ADAM12: variants seen among roughly 807,000 people sequenced by gnomAD.
The protein encoded by ADAM12 is ADAM metallopeptidase domain 12.
In ADAM12, 70 loss-of-function variants were observed where a neutral mutation model predicts 106.4. The ratio of observed to expected loss-of-function variants is 0.66; its 90% CI spans 0.54 to 0.80. ADAM12 has a LOEUF of 0.80. ADAM12 is among the 30% of genes least tolerant of loss of function. The pLI, the probability that ADAM12 is intolerant of heterozygous loss-of-function variation, is 0.00. For missense variants in ADAM12, 1,010 were observed against 1,171.9 expected, an observed-to-expected ratio of 0.86 and a Z score of 2.02; for synonymous variants, 420 against 433.5, an observed-to-expected ratio of 0.97 and a Z score of 0.39.
intron 3 of ADAM12, among the ~76,000 whole-genome samples, chr10:126,158,172 A>C (rs1165187646): frequency 6.6e-6 from 1 of 151,612 alleles, no homozygotes; most frequent in Non-Finnish European, 1.5e-5. Flanking sequence ...AGGAACAGGC[A>C]GAAGGATGCA....
At chr10:126,333,010 T>C (rs1235247917) in intron 1 of ADAM12, among the ~76,000 whole-genome samples, 2 of 152,184 alleles carry the variant, frequency 1.3e-5, no homozygotes, top group Non-Finnish European at 2.9e-5. Flanking sequence ...CTAGCAGTTA[T>C]GGGGTGAAAA....
chr10:126,340,930 T>G (rs1215225882), intron 1 of ADAM12, among the ~76,000 whole-genome samples: 1 of 152,074 alleles, frequency 6.6e-6, no homozygotes, highest in African/African-American at 2.4e-5. Context: ...TTGGCCAGGC[T>G]GGTCTTGAAC....
intron 10 of ADAM12, among the ~76,000 whole-genome samples, chr10:126,095,895 A>G (rs1266370928): frequency 6.6e-6 from 1 of 152,218 alleles, no homozygotes; most frequent in African/African-American, 2.4e-5. Context: ...TAAAACAAAT[A>G]TGATACTGAA....
At chr10:126,166,548 A>T (rs918300162) in intron 3 of ADAM12, among the ~76,000 whole-genome samples, 11 of 152,072 alleles carry the variant, frequency 7.2e-5, no homozygotes, top group Admixed American at 6.6e-4. Flanking sequence ...ACCAGGCTGG[A>T]GTGCAGTGGC....
At chr10:126,336,710 CA>C (rs1854712073) in intron 1 of ADAM12, among the ~76,000 whole-genome samples, 1 of 152,300 alleles carries the variant, frequency 6.6e-6, no homozygotes, top group East Asian at 1.9e-4. Context: ...GGGAAGGTGA[CA>C]CCAAGTGACA....
chr10:126,287,088 T>C (rs1162046690), intron 2 of ADAM12, among the ~76,000 whole-genome samples: 1 of 152,238 alleles, frequency 6.6e-6, no homozygotes, highest in Admixed American at 6.5e-5. Flanking sequence ...CCGGTGTGAT[T>C]GTTAATCCTC....
chr10:126,202,896 GA>G (rs35198085), intron 3 of ADAM12, among the ~76,000 whole-genome samples: 44,727 of 151,604 alleles, frequency 0.3, 8,698 homozygotes, highest in African/African-American at 0.56. Context: ...ACCACCGAAA[GA>G]AAAAAATGTC....
chr10:126,187,282 T>C (rs112346910), intron 3 of ADAM12, among the ~76,000 whole-genome samples: 1 of 151,810 alleles, frequency 6.6e-6, no homozygotes, highest in Non-Finnish European at 1.5e-5. Context: ...TTGTTCTTAT[T>C]ACCTCTGTTT....
At chr10:126,067,293 T>G (rs763374661) in intron 12 of ADAM12, among the ~76,000 whole-genome samples, 54 of 152,234 alleles carry the variant, frequency 3.5e-4, no homozygotes, top group Non-Finnish European at 6.3e-4. Flanking sequence ...TCAACCACAA[T>G]TCCCTGCAAT....
chr10:126,178,406 A>ATTTTTTTTTT (rs1426086384), intron 3 of ADAM12, among the ~76,000 whole-genome samples: 1 of 120,866 alleles, frequency 8.3e-6, no homozygotes, highest in African/African-American at 3.6e-5. Context: ...ATTGGAGGAC[A>ATTTTTTTTTT]TCTTTTTTTT....
At chr10:126,332,254 C>T (rs1009473418) in intron 1 of ADAM12, among the ~76,000 whole-genome samples, 3 of 152,204 alleles carry the variant, frequency 2.0e-5, no homozygotes, top group Non-Finnish European at 2.9e-5. Flanking sequence ...AAGCCAGCAG[C>T]CCCAAAGTGA....
chr10:126,181,854 G>A (rs1239817374), intron 3 of ADAM12, among the ~76,000 whole-genome samples: 4 of 152,208 alleles, frequency 2.6e-5, no homozygotes, highest in Non-Finnish European at 5.9e-5. Context: ...AATAGCCGCA[G>A]GAGCCCCTCC....
At chr10:126,342,259 G>T (rs1405254629) in intron 1 of ADAM12, among the ~76,000 whole-genome samples, 1 of 152,194 alleles carries the variant, frequency 6.6e-6, no homozygotes, top group African/African-American at 2.4e-5. Context: ...GCTATCTAGA[G>T]GTAGGTGCTG....
chr10:126,128,151 C>G (rs951108567), intron 5 of ADAM12, among the ~76,000 whole-genome samples: 5 of 152,026 alleles, frequency 3.3e-5, no homozygotes, highest in African/African-American at 1.2e-4. Flanking sequence ...TACCTGTAAA[C>G]CAAGGAGCAT....
intron 5 of ADAM12, among the ~76,000 whole-genome samples, chr10:126,130,546 C>A (rs1956286185): frequency 6.6e-6 from 1 of 152,162 alleles, no homozygotes. Context: ...TTCTTTTCTG[C>A]CAAATTTATG....
intron 4 of ADAM12, chr10:126,145,477 A>G (rs11244839): frequency 0.54 from 82,032 of 152,380 alleles, 22,855 homozygotes; most frequent in Non-Finnish European, 0.63. Context: ...GTAGCACAGC[A>G]TATAGGAGCT....
intron 3 of ADAM12, among the ~76,000 whole-genome samples, chr10:126,161,457 C>CA (rs1240262941): frequency 6.6e-6 from 1 of 152,210 alleles, no homozygotes; most frequent in Non-Finnish European, 1.5e-5. Flanking sequence ...CCAGACCTTA[C>CA]AGGATGGTCA....
chr10:126,300,958 T>C (rs868730993), intron 2 of ADAM12, among the ~76,000 whole-genome samples: 1 of 152,220 alleles, frequency 6.6e-6, no homozygotes, highest in Non-Finnish European at 1.5e-5. Flanking sequence ...GTATTCAAAA[T>C]AAGCAACGAC....
intron 2 of ADAM12, among the ~76,000 whole-genome samples, chr10:126,288,461 G>GGCAGCAGCAAGAGCA (rs1959983735): frequency 2.6e-5 from 4 of 152,132 alleles, no homozygotes; most frequent in Admixed American, 6.5e-5. Flanking sequence ...AGGGTGAGGC[G>GGCAGCAGCAAGAGCA]GCAGCAGCAA....
Sources: allele counts gnomAD v4.1 joint callset (sites outside exome capture counted in the v4.1 genomes callset), GRCh38; gene constraint gnomAD v4.1.1; transcripts MANE v1.5; gene names NCBI Gene and HGNC (gene_info 2026-07-23, HGNC 2026-07-21).